The following SLC8A3 variants were observed in gnomAD, a reference collection of about 807,000 sequenced individuals.
SLC8A3 encodes the protein sodium/calcium exchanger 3.
Under a neutral mutation model 65.4 loss-of-function variants are expected in SLC8A3, and 37 were observed. The observed-to-expected ratio is 0.57, with a 90% CI of 0.44 to 0.74. SLC8A3 has a LOEUF of 0.74. Among genes scored for constraint, SLC8A3 ranks in the 30% least tolerant of loss-of-function variants. SLC8A3 has a pLI of 0.00. For missense variants in SLC8A3, 1,112 were observed against 1,172.1 expected, an observed-to-expected ratio of 0.95 and a Z score of 0.75; for synonymous variants, 461 against 444.5, an observed-to-expected ratio of 1.04 and a Z score of -0.47.
chr14:70,171,662 T>C (rs1252510089), intron 1 of SLC8A3, among the ~76,000 whole-genome samples: 1 of 152,058 alleles, frequency 6.6e-6, no homozygotes, highest in Non-Finnish European at 1.5e-5. Flanking sequence ...TAGCTGGGCG[T>C]GGTGGTGCAC....
intron 1 of SLC8A3, among the ~76,000 whole-genome samples, chr14:70,185,712 T>C (rs1883150607): frequency 6.6e-6 from 1 of 152,270 alleles, no homozygotes; most frequent in Non-Finnish European, 1.5e-5. Flanking sequence ...GGCACAGTGC[T>C]AGGCCTTGGG....
At chr14:70,174,723 G>A (rs1178645548) in intron 1 of SLC8A3, among the ~76,000 whole-genome samples, 1 of 116,538 alleles carries the variant, frequency 8.6e-6, no homozygotes, top group Non-Finnish European at 1.6e-5. Context: ...GCTAGCAATT[G>A]CAGGTACAGC....
Position 70,045,954 on chromosome 14 carries a change from C to G in SLC8A3, c.2759G>C (p.Gly920Ala), listed in dbSNP as rs1886713899. ...GAGGCTCTGTTGTGTGGCTTAGAAC[C>G]CCTTGATGTAGCAATAGGCCTCTAG... ...ATLEAYCYIK[G>A]F is the part of the protein sequence containing the mutation. Residue 920 changes from glycine (G) to alanine (A), a missense_variant, in exon 7 of 7, where the codon GGG (glycine) becomes GCG (alanine). Transcript: ENST00000356921. 1.3e-6 allele frequency: 2 copies of G among 1,591,762 alleles called. No homozygotes were observed. The highest frequency in any genetic ancestry group is 2.3e-5 in the East Asian group (1 of 44,348).
chr14:70,074,494 G>T (rs1403037402), intron 2 of SLC8A3, among the ~76,000 whole-genome samples: 1 of 152,206 alleles, frequency 6.6e-6, no homozygotes, highest in Non-Finnish European at 1.5e-5. Flanking sequence ...TAGTGACCTT[G>T]GGAGGAACAT....
Position 70,045,321 on chromosome 14 carries a change from G to A in SLC8A3, c.*626C>T, listed in dbSNP as rs1886631514. Reference sequence around the variant, plus strand: ...TCTTGATGGAGCCAAGAGGTGGCAGGAGAGCATGTGTCTAAAAATTCATGT... The same window carrying A: ...TCTTGATGGAGCCAAGAGGTGGCAGAAGAGCATGTGTCTAAAAATTCATGT... On this transcript the variant is annotated 3_prime_UTR_variant, in exon 7 of 7. Transcript: ENST00000356921. 6.6e-6 allele frequency: 1 copy of A among 152,142 alleles called. No homozygotes were observed. Among genetic ancestry groups the A allele is most frequent in the Non-Finnish European group, 1.5e-5 (1 of 68,048 alleles). 9.4% of individuals were successfully genotyped at this position (152,142 alleles called of 1,614,324 possible).
chr14:70,186,713 G>A (rs762379706), intron 1 of SLC8A3, among the ~76,000 whole-genome samples: 138 of 152,154 alleles, frequency 9.1e-4, no homozygotes, highest in Non-Finnish European at 1.6e-3. Context: ...GGGTTGATCA[G>A]TCCACATCTA....
rs543951202 is a variant in SLC8A3 at position 70,103,187 on chromosome 14, T to C, written c.1785-42248A>G. On this transcript the variant is annotated intron_variant, in intron 2 of 6. Transcript: ENST00000356921. ...AGAAAACTGCCAACCTAGATTTCTA[T>C]GTCCAATTAAAATATATTTCAAAAA... Among the ~76,000 whole-genome samples the C allele has an allele frequency of 1.0e-3, 156 of 152,160 alleles. 1 individual carries two copies. Among genetic ancestry groups the C allele is most frequent in the Middle Eastern group, 0.01 (3 of 294 alleles).
chr14:70,116,649 G>A (rs1212469089), intron 2 of SLC8A3, among the ~76,000 whole-genome samples: 1 of 152,126 alleles, frequency 6.6e-6, no homozygotes, highest in Non-Finnish European at 1.5e-5. Context: ...CTCTCGAACA[G>A]GTAATTCCCA....
intron 2 of SLC8A3, among the ~76,000 whole-genome samples, chr14:70,149,064 C>A (rs1000616129): frequency 2.6e-5 from 4 of 152,108 alleles, no homozygotes; most frequent in African/African-American, 4.8e-5. Flanking sequence ...TGGGGTTGCA[C>A]CATTGCAGGC....
chr14:70,163,793 C>T (rs554505371), intron 2 of SLC8A3, among the ~76,000 whole-genome samples: 62 of 152,270 alleles, frequency 4.1e-4, no homozygotes, highest in Non-Finnish European at 7.9e-4. Flanking sequence ...GTTAGAAATG[C>T]GGAATCTCAA....
rs548163119 is a variant in SLC8A3 at position 70,086,790 on chromosome 14, C to G, written c.1785-25851G>C. On this transcript the variant is annotated intron_variant, in intron 2 of 6. Transcript: ENST00000356921. ...TAATGGGCTATTTTTGCTGGAATCT[C>G]AAGAACAATAGGACAAGTATCTCCA... is the stretch of plus-strand genomic sequence containing the variant. Among the ~76,000 whole-genome samples, 4 of 152,246 alleles carry G rather than the reference C, an allele frequency of 2.6e-5. No homozygotes were observed. The East Asian group carries it at 7.7e-4, about 29-fold the overall frequency.
chr14:70,047,691 G>A (rs1886950911), intron 6 of SLC8A3: 6 of 152,270 alleles, frequency 3.9e-5, no homozygotes, highest in Admixed American at 3.9e-4. Flanking sequence ...AGCCAGAAAA[G>A]TCCTGTCTGA....
chr14:70,176,087 C>A (rs1326328976), intron 1 of SLC8A3, among the ~76,000 whole-genome samples: 2 of 152,194 alleles, frequency 1.3e-5, no homozygotes, highest in South Asian at 4.1e-4. Context: ...CCTCTGATAA[C>A]CCTCTCTACC....
chr14:70,140,160 G>A (rs1594746931), intron 2 of SLC8A3, among the ~76,000 whole-genome samples: 1 of 152,326 alleles, frequency 6.6e-6, no homozygotes, highest in East Asian at 1.9e-4. Context: ...AGATTCTGAT[G>A]TCATTAAGGT....
intron 2 of SLC8A3, among the ~76,000 whole-genome samples, chr14:70,072,303 G>A (rs996702830): frequency 7.2e-5 from 11 of 152,104 alleles, no homozygotes; most frequent in East Asian, 5.8e-4. Flanking sequence ...ATGGACCTAG[G>A]GTTCAGGATA....
At chr14:70,081,530 C>T (rs1447542408) in intron 2 of SLC8A3, among the ~76,000 whole-genome samples, 9 of 152,202 alleles carry the variant, frequency 5.9e-5, no homozygotes, top group Admixed American at 5.9e-4. Context: ...TCCAACTGCC[C>T]TCTGGGCCTC....
rs142407414 is a variant in SLC8A3, at chr14:70,158,591, A to G, written c.1784+8048T>C. On this transcript the variant is annotated intron_variant, in intron 2 of 6. Transcript: ENST00000356921. ...CTCCACAAATAACTGCTTCTTCATG[A>G]ACCCTACCCACCAAAAGGTAACTGA... 2.6e-3 allele frequency among the ~76,000 whole-genome samples: 395 copies of G among 152,318 alleles called. 4 individuals carry two copies. The highest frequency in any genetic ancestry group is 9.2e-3 in the African/African-American group (382 of 41,562).
At position 70,167,053 on chromosome 14, in the gene SLC8A3, G is replaced by A; in HGVS notation, c.1370C>T (p.Pro457Leu). 1 of 1,613,872 alleles carries A rather than the reference G, an allele frequency of 6.2e-7. No individual in the cohort carries two copies. The highest frequency in any genetic ancestry group is 8.5e-7 in the Non-Finnish European group (1 of 1,180,022). Residue 457 changes from proline to leucine, a missense_variant, in exon 2 of 7, where the codon CCA (proline) becomes CTA (leucine). Transcript: ENST00000356921. ...EFTEGTVVLK[P>L]GETQKEFSVG... ...GGAGAACTCCTTCTGGGTCTCTCCT[G>A]GCTTCAGAACCACCGTGCCCTCTGT... is the stretch of plus-strand genomic sequence containing the variant.
chr14:70,167,662 C>T lies in SLC8A3; in HGVS notation c.761G>A (p.Arg254Gln), dbSNP rs766322163. ...CVLLAWVADK[R>Q]LLFYKYMHKK... ...GTGCATGTATTTGTAGAAGAGCAGT[C>T]GTTTATCTGCCACCCAGGCCAGAAG... The change falls in exon 2 of 7, where the codon CGA (arginine) becomes CAA (glutamine). Residue 254 changes from arginine to glutamine, a missense_variant. Transcript: ENST00000356921. 4 of 1,614,106 alleles carry T rather than the reference C, an allele frequency of 2.5e-6. No individual in the cohort carries two copies. Among genetic ancestry groups the T allele is most frequent in the South Asian group, 2.2e-5 (2 of 91,072 alleles).
Sources: allele counts gnomAD v4.1 joint callset (sites outside exome capture counted in the v4.1 genomes callset), GRCh38; gene constraint gnomAD v4.1.1; transcripts MANE v1.5; gene names NCBI Gene and HGNC (gene_info 2026-07-23, HGNC 2026-07-21).